Variants in SERAC1 observed in about 807,000 individuals in gnomAD.
SERAC1 encodes the protein serine active site containing 1.
SERAC1 carries 36 observed loss-of-function variants against 85.7 expected under a neutral mutation model. That is an observed-to-expected ratio of 0.42 (90% CI 0.32 to 0.55). The LOEUF (loss-of-function observed/expected upper bound fraction) is 0.55, where lower values mean the gene tolerates loss of function less well. Ranked by LOEUF, SERAC1 falls within the 20% of genes least tolerant of loss-of-function variation. The pLI, the probability that SERAC1 is intolerant of heterozygous loss-of-function variation, is 0.11. For missense variants in SERAC1, 629 were observed against 796.2 expected (o/e 0.79, Z 2.53); for synonymous variants, 242 against 265.3 (o/e 0.91, Z 0.85).
chr6:158,132,333 A>G (rs939532435), intron 8 of SERAC1, among the ~76,000 whole-genome samples: 1 of 152,136 alleles, frequency 6.6e-6, no homozygotes. Context: ...TTCTTCTCGT[A>G]TATAATATTA....
intron 8 of SERAC1, among the ~76,000 whole-genome samples, chr6:158,135,816 A>T (rs1361353568): frequency 2.0e-5 from 3 of 151,982 alleles, no homozygotes; most frequent in African/African-American, 7.2e-5. Context: ...TAATTGGTGA[A>T]TCTTTTTTTT....
chr6:158,133,781 A>G (rs1027155855), intron 8 of SERAC1, among the ~76,000 whole-genome samples: 2 of 152,164 alleles, frequency 1.3e-5, no homozygotes, highest in East Asian at 3.9e-4. Context: ...CTAAAGCAAG[A>G]GTTTTTAACA....
intron 10 of SERAC1, among the ~76,000 whole-genome samples, chr6:158,122,618 T>C (rs398073730): frequency 6.6e-6 from 1 of 151,996 alleles, no homozygotes; most frequent in African/African-American, 2.4e-5. Context: ...CCATCTCTAC[T>C]AAAATTACAA....
intron 5 of SERAC1, among the ~76,000 whole-genome samples, chr6:158,147,221 T>G (rs1785085397): frequency 6.6e-6 from 1 of 151,878 alleles, no homozygotes; most frequent in African/African-American, 2.4e-5. Flanking sequence ...TCACTGCAGC[T>G]TCGACCTCTT....
intron 15 of SERAC1, 36 bp from the exon 16 acceptor site, chr6:158,113,628 G>A (rs1475722619): frequency 1.3e-6 from 2 of 1,550,932 alleles, no homozygotes; most frequent in South Asian, 1.2e-5. Context: ...GTGACAAGTT[G>A]TTTACCCAAT....
chr6:158,162,178 T>C (rs1012395226), intron 1 of SERAC1: 4 of 152,216 alleles, frequency 2.6e-5, no homozygotes, highest in Admixed American at 6.5e-5. Context: ...TCCAGGTACA[T>C]TTGAAAACAC....
chr6:158,136,986 C>A (rs1456864946), intron 8 of SERAC1, among the ~76,000 whole-genome samples: 1 of 151,998 alleles, frequency 6.6e-6, no homozygotes, highest in Admixed American at 6.6e-5. Context: ...GGTGAAACCC[C>A]GTCTCTACTA....
intron 12 of SERAC1, 150 bp downstream of exon 12, chr6:158,118,879 G>T (rs1784354878): frequency 1.1e-6 from 1 of 887,524 alleles, no homozygotes; most frequent in Non-Finnish European, 1.7e-6. Flanking sequence ...AAGCCCAGTT[G>T]TTGTCAAAAC....
At chr6:158,154,191 C>G (rs370623305) in intron 3 of SERAC1, among the ~76,000 whole-genome samples, 28 of 149,182 alleles carry the variant, frequency 1.9e-4, no homozygotes, top group African/African-American at 6.4e-4. Flanking sequence ...GAATCCTCTG[C>G]TCTCTTCGGG....
At chr6:158,141,274 A>G (rs1176483977) in intron 8 of SERAC1, among the ~76,000 whole-genome samples, 1 of 152,242 alleles carries the variant, frequency 6.6e-6, no homozygotes, top group East Asian at 1.9e-4. Flanking sequence ...AGTGGTTACC[A>G]GGGGCTGGAG....
rs142337375 is a variant in SERAC1 at position 158,148,014 on chromosome 6, C to T, written c.355+851G>A. On this transcript the variant is annotated intron_variant, in intron 5 of 16. Transcript: ENST00000647468. ...AATGCTATTATCACACCCAAAAACACTAACAAAAATCTTCCCAAATCATCT... is the reference window on the plus strand; with the variant it reads ...AATGCTATTATCACACCCAAAAACATTAACAAAAATCTTCCCAAATCATCT... 9.9e-5 allele frequency among the ~76,000 whole-genome samples: 15 copies of T among 152,210 alleles called. No homozygotes were observed. In the East Asian group the frequency reaches 1.9e-3, roughly 20 times the overall value.
intron 8 of SERAC1, among the ~76,000 whole-genome samples, chr6:158,140,356 T>A (rs1387033527): frequency 6.6e-6 from 1 of 152,166 alleles, no homozygotes; most frequent in South Asian, 2.1e-4. Context: ...CAATCAATCA[T>A]GCCAACTGAT....
intron 4 of SERAC1, among the ~76,000 whole-genome samples, chr6:158,149,585 C>T (rs1294768164): frequency 6.6e-6 from 1 of 152,174 alleles, no homozygotes; most frequent in African/African-American, 2.4e-5. Flanking sequence ...TCATGATGAG[C>T]TCGCCTCAAA....
At chr6:158,139,300 A>C (rs866780854) in intron 8 of SERAC1, among the ~76,000 whole-genome samples, 23 of 152,210 alleles carry the variant, frequency 1.5e-4, no homozygotes, top group African/African-American at 5.5e-4. Flanking sequence ...CAAATTACAT[A>C]TCTAATAAGA....
chr6:158,122,804 A>G (rs1010703310), intron 10 of SERAC1, among the ~76,000 whole-genome samples: 1 of 152,098 alleles, frequency 6.6e-6, no homozygotes, highest in Non-Finnish European at 1.5e-5. Flanking sequence ...ATGTAGCTCT[A>G]TGTGCACTTT....
chr6:158,126,079 CAT>C (rs918864797), intron 10 of SERAC1, among the ~76,000 whole-genome samples: 8 of 152,160 alleles, frequency 5.3e-5, no homozygotes, highest in African/African-American at 1.9e-4. Context: ...CCACAACACA[CAT>C]ATATGTGTAC....
intron 15 of SERAC1, 130 bp from the exon 16 acceptor site, chr6:158,113,722 A>G: frequency 1.2e-6 from 1 of 808,614 alleles, no homozygotes; most frequent in Non-Finnish European, 1.9e-6. Context: ...ACACATGTTT[A>G]TTTTCTCCCC....
In SERAC1 at chr6:158,149,380, A is replaced by G. The variant is rs1052606208; in HGVS notation, c.266-426T>C. 8.2e-4 allele frequency among the ~76,000 whole-genome samples: 125 copies of G among 152,348 alleles called. 1 individual carries two copies. Among genetic ancestry groups the G allele is most frequent in the African/African-American group, 2.8e-3 (115 of 41,570 alleles). ...TTTCACAAAGAAAATACAAAATAAC[A>G]CTGTTGTCTTTTTATTGTCACTATC... On this transcript the variant is annotated intron_variant, in intron 4 of 16. Transcript: ENST00000647468.
intron 8 of SERAC1, among the ~76,000 whole-genome samples, chr6:158,136,450 A>T (rs1198047642): frequency 6.6e-6 from 1 of 152,172 alleles, no homozygotes; most frequent in Non-Finnish European, 1.5e-5. Flanking sequence ...TGTTGGCTGT[A>T]TGCTGGGGCT....
Sources: gnomAD v4.1 joint callset for allele counts (sites outside exome capture counted in the v4.1 genomes callset) on GRCh38, gnomAD v4.1.1 for gene constraint, MANE v1.5 for transcripts, NCBI Gene and HGNC (gene_info 2026-07-23, HGNC 2026-07-21) for gene names.